Variants in LINGO4 observed in about 807,000 individuals in gnomAD.
The protein encoded by LINGO4 is leucine rich repeat and Ig domain containing 4, also known as leucine-rich repeat and immunoglobulin-like domain-containing nogo receptor-interacting protein 4.
A neutral mutation model predicts 27.9 loss-of-function variants in LINGO4; 22 were observed. That is an observed-to-expected ratio of 0.79 (90% CI 0.56 to 1.13). LINGO4 has a LOEUF of 1.13. Ranked by LOEUF, LINGO4 falls within the 50% of genes most tolerant of loss-of-function variation. LINGO4 has a pLI of 0.00. For missense variants in LINGO4, 706 were observed against 739.4 expected, an observed-to-expected ratio of 0.95 and a Z score of 0.52; for synonymous variants, 306 against 325.8, an observed-to-expected ratio of 0.94 and a Z score of 0.65.
chr1:151,802,033 C>T lies in LINGO4; in HGVS notation c.672G>A (p.Leu224=). 6.2e-7 allele frequency: 1 copy of T among 1,614,170 alleles called. No individual in the cohort carries two copies. The highest frequency in any genetic ancestry group is 8.5e-7 in the Non-Finnish European group (1 of 1,180,026). Residue 224 remains leucine (L), a synonymous_variant, in exon 2 of 2, where the codon CTG becomes CTA. Coordinates refer to ENST00000368820, the MANE Select transcript of LINGO4 (RefSeq NM_001004432.4). ...LDIGRLPAGA[L]RGLGQLKELE... ...GCTCCTTGAGCTGCCCCAGCCCCCG[C>T]AGGGCCCCAGCTGGCAGCCTCCCAA...
At chr1:151,804,779 C>A (rs1455349562) in intron 1 of LINGO4, among the ~76,000 whole-genome samples, 2 of 152,206 alleles carry the variant, frequency 1.3e-5, no homozygotes, top group East Asian at 3.9e-4. Context: ...GGGACATCAC[C>A]AAGACATGAC....
chr1:151,802,058 A>G lies in LINGO4; in HGVS notation c.647T>C (p.Ile216Thr). 6.2e-7 allele frequency: 1 copy of G among 1,614,092 alleles called. No homozygotes were observed. The highest frequency in any genetic ancestry group is 1.7e-5 in the Admixed American group (1 of 60,022). ...CAGGGCCCCAGCTGGCAGCCTCCCA[A>G]TATCCAGTTCTCTAAGCCTTAGGGC... ...LVALRLRELD[I>T]GRLPAGALRG... The change falls in exon 2 of 2, where the codon ATT (isoleucine) becomes ACT (threonine). Residue 216 changes from isoleucine to threonine, a missense_variant. Physicochemically the swap from Ile to Thr is moderately conservative, Grantham distance 89. Transcript: ENST00000368820.
Position 151,801,181 on chromosome 1 carries a change from G to T in LINGO4, c.1524C>A (p.Asn508Lys). ...WLEVIQVEPP[N>K]GTLSDPNITV... ...TGATGTTGGGGTCAGAAAGTGTGCC[G>T]TTTGGTGGTTCCACCTGGATGACTT... Residue 508 changes from asparagine (N) to lysine (K), a missense_variant, in exon 2 of 2, where the codon AAC becomes AAA. Asn to Lys is a moderately conservative substitution (Grantham distance 94). Coordinates refer to ENST00000368820, the MANE Select transcript of LINGO4 (RefSeq NM_001004432.4). This position sits in a 1 kb window ranked among gnomAD's most constrained non-coding sequence, Gnocchi z 5.7. 1.2e-6 allele frequency: 2 copies of T among 1,614,210 alleles called. No individual in the cohort carries two copies. The highest frequency in any genetic ancestry group is 1.7e-6 in the Non-Finnish European group (2 of 1,180,036).
rs1343855476 is a variant in LINGO4, at chr1:151,805,377, T to C, written c.-161A>G. On this transcript the variant is annotated 5_prime_UTR_variant, in exon 1 of 2. Transcript: ENST00000368820. ...TGGCTGCCCGGCTGCTGCCTGCCGC[T>C]GCTGCTGCTGCTGTTGCTGCTGCGG... is the stretch of plus-strand genomic sequence containing the variant. 4.3e-5 allele frequency: 8 copies of C among 186,126 alleles called. No homozygotes were observed. The highest frequency in any genetic ancestry group is 1.7e-4 in the East Asian group (1 of 5,762). 11.5% of individuals were successfully genotyped at this position (186,126 alleles called of 1,614,324 possible).
chr1:151,801,575 T>C lies in LINGO4; in HGVS notation c.1130A>G (p.Asp377Gly). 1 of 1,613,622 alleles carries C rather than the reference T, an allele frequency of 6.2e-7. No individual in the cohort carries two copies. Among genetic ancestry groups the C allele is most frequent in the Non-Finnish European group, 8.5e-7 (1 of 1,179,994 alleles). Residue 377 changes from aspartate to glycine, a missense_variant, in exon 2 of 2, where the codon GAC (aspartate) becomes GGC (glycine). Asp to Gly is a moderately conservative substitution (Grantham distance 94, BLOSUM62 -1). Transcript: ENST00000368820. The surrounding 1 kb of genome is among the most constrained non-coding windows in gnomAD (Gnocchi z 5.7). ...LWLLRLRRHLDFGMSPPACAG... is the reference protein window; with the variant it reads ...LWLLRLRRHLGFGMSPPACAG... Reference sequence around the variant, plus strand: ...ACAGGCAGGGGGGGACATGCCAAAGTCCAGGTGGCGGCGGAGCCGGAGCAG... The same window carrying C: ...ACAGGCAGGGGGGGACATGCCAAAGCCCAGGTGGCGGCGGAGCCGGAGCAG...
chr1:151,802,755 G>A, intron 1 of LINGO4, 38 bp from the exon 2 acceptor site: 1 of 1,395,316 alleles, frequency 7.2e-7, no homozygotes, highest in Non-Finnish European at 9.4e-7. Flanking sequence ...TTGGAAAGTG[G>A]CTTCAGATGA....
intron 1 of LINGO4, among the ~76,000 whole-genome samples, chr1:151,804,057 C>A (rs1651221538): frequency 6.6e-6 from 1 of 152,184 alleles, no homozygotes; most frequent in Admixed American, 6.5e-5. Context: ...GAGCGGCAAT[C>A]CTGATCACCT....
chr1:151,804,397 T>C (rs1424992706), intron 1 of LINGO4, among the ~76,000 whole-genome samples: 1 of 152,236 alleles, frequency 6.6e-6, no homozygotes, highest in Non-Finnish European at 1.5e-5. Context: ...CTAACAGGTC[T>C]CTGTGGCATG....
chr1:151,801,460 G>A lies in LINGO4; in HGVS notation c.1245C>T (p.Ile415=), dbSNP rs1651143436. The A allele has an allele frequency of 6.2e-7, 1 of 1,614,198 alleles. No homozygotes were observed. The highest frequency in any genetic ancestry group is 1.3e-5 in the African/African-American group (1 of 75,080). Residue 415 remains isoleucine, a synonymous_variant, in exon 2 of 2, where the codon ATC becomes ATT. Transcript: ENST00000368820. This position sits in a 1 kb window ranked among gnomAD's most constrained non-coding sequence, Gnocchi z 5.7. Reference sequence around the variant, plus strand: ...TGACCCATCGAGGCCCCGACTTTCGGATCAGGGCTGGTTTGCAGGTGAAGT... The same window carrying A: ...TGACCCATCGAGGCCCCGACTTTCGAATCAGGGCTGGTTTGCAGGTGAAGT... ...PGHFTCKPAL[I]RKSGPRWVIA... is the part of the protein sequence containing the mutation.
Position 151,802,364 on chromosome 1 carries a change from C to G in LINGO4, c.341G>C (p.Arg114Thr). The part of the protein sequence containing the change: ...FHGLQSLLTL[R>T]LQGNRLRIMG... ...GATTCTGAGCCGATTGCCCTGCAGCCTCAGGGTGAGTAGGCTTTGTAGGCC... is the reference window on the plus strand; with the variant it reads ...GATTCTGAGCCGATTGCCCTGCAGCGTCAGGGTGAGTAGGCTTTGTAGGCC... The change falls in exon 2 of 2, where the codon AGG (arginine) becomes ACG (threonine). Residue 114 changes from arginine to threonine, a missense_variant. By Grantham distance (71) the Arg-to-Thr change is moderately conservative. Transcript: ENST00000368820. 1 of 1,614,192 alleles carries G rather than the reference C, an allele frequency of 6.2e-7. No homozygotes were observed. Among genetic ancestry groups the G allele is most frequent in the Non-Finnish European group, 8.5e-7 (1 of 1,180,040 alleles).
intron 1 of LINGO4, 21 bp from the exon 2 acceptor site, chr1:151,802,738 G>A (rs543607682): frequency 1.4e-6 from 2 of 1,438,062 alleles, no homozygotes; most frequent in Non-Finnish European, 1.8e-6. Flanking sequence ...TGATGACATG[G>A]CCCTTTTTGG....
In LINGO4 at chr1:151,802,372, G is replaced by A; in HGVS notation, c.333C>T (p.Leu111=). Residue 111 remains leucine (L), a synonymous_variant, in exon 2 of 2, where the codon CTC becomes CTT. Transcript: ENST00000368820. ...GCCGATTGCCCTGCAGCCTCAGGGTGAGTAGGCTTTGTAGGCCATGGAAGG... is the reference window on the plus strand; with the variant it reads ...GCCGATTGCCCTGCAGCCTCAGGGTAAGTAGGCTTTGTAGGCCATGGAAGG... ...PGAFHGLQSL[L]TLRLQGNRLR... The A allele has an allele frequency of 3.1e-6, 5 of 1,614,226 alleles. No homozygotes were observed. The highest frequency in any genetic ancestry group is 4.2e-6 in the Non-Finnish European group (5 of 1,180,042).
Position 151,801,057 on chromosome 1 carries a change from A to G in LINGO4, c.1648T>C (p.Cys550Arg), listed in dbSNP as rs763390767. 6.2e-7 allele frequency: 1 copy of G among 1,614,198 alleles called. No homozygotes were observed. The highest frequency in any genetic ancestry group is 1.1e-5 in the South Asian group (1 of 91,080). The change falls in exon 2 of 2, where the codon TGC (cysteine) becomes CGC (arginine). Residue 550 changes from cysteine (C) to arginine (R), a missense_variant. Coordinates refer to ENST00000368820, the MANE Select transcript of LINGO4 (RefSeq NM_001004432.4). The surrounding 1 kb of genome is among the most constrained non-coding windows in gnomAD (Gnocchi z 5.7). ...FLPFLTSVTL[C>R]FGLIALWSKG... ...CTCCAAAGGGCAATCAGGCCAAAGC[A>G]GAGGGTCACTGAGGTGAGGAAGGGG...
In LINGO4 at chr1:151,802,262, A is replaced by G. The variant is rs1651173480; in HGVS notation, c.443T>C (p.Leu148Pro). ...DLRLNQIVLFLDGAFGELGSL... is the reference protein window; with the variant it reads ...DLRLNQIVLFPDGAFGELGSL... ...GCCTAGCTCCCCAAAAGCTCCATCT[A>G]GGAAGAGAACAATCTGGTTGAGGCG... is the stretch of plus-strand genomic sequence containing the variant. Residue 148 changes from leucine to proline, a missense_variant, in exon 2 of 2, where the codon CTA becomes CCA. Physicochemically the swap from Leu to Pro is moderately conservative, Grantham distance 98. Coordinates refer to ENST00000368820, the MANE Select transcript of LINGO4 (RefSeq NM_001004432.4). 4 of 1,614,188 alleles carry G rather than the reference A, an allele frequency of 2.5e-6. No individual in the cohort carries two copies. The highest frequency in any genetic ancestry group is 3.4e-6 in the Non-Finnish European group (4 of 1,180,022).
Position 151,802,293 on chromosome 1 carries a change from C to G in LINGO4, c.412G>C (p.Asp138His). ...AGAACAATCTGGTTGAGGCGGAGGT[C>G]CAGCAGGGTCAGAGCAGAGAGGCCT... ...FSGLSALTLLDLRLNQIVLFL... is the reference protein window; with the variant it reads ...FSGLSALTLLHLRLNQIVLFL... Residue 138 changes from aspartate (D) to histidine (H), a missense_variant, in exon 2 of 2, where the codon GAC becomes CAC. Transcript: ENST00000368820. 1.9e-6 allele frequency: 3 copies of G among 1,614,206 alleles called. No individual in the cohort carries two copies. The highest frequency in any genetic ancestry group is 2.5e-6 in the Non-Finnish European group (3 of 1,180,036).
In LINGO4 at chr1:151,801,077, A is replaced by C. The variant is rs767791413; in HGVS notation, c.1628T>G (p.Phe543Cys). The change falls in exon 2 of 2, where the codon TTC becomes TGC. Residue 543 changes from phenylalanine to cysteine, a missense_variant. Physicochemically the swap from Phe to Cys is radical, Grantham distance 205. Transcript: ENST00000368820. The surrounding 1 kb of genome is among the most constrained non-coding windows in gnomAD (Gnocchi z 5.7). Reference protein sequence around the residue: ...AMVLAVGFLPFLTSVTLCFGL... With the variant: ...AMVLAVGFLPCLTSVTLCFGL... ...AAAGCAGAGGGTCACTGAGGTGAGG[A>C]AGGGGAGGAAGCCGACTGCCAGCAC... 3 of 1,614,096 alleles carry C rather than the reference A, an allele frequency of 1.9e-6. No homozygotes were observed. Among genetic ancestry groups the C allele is most frequent in the Non-Finnish European group, 2.5e-6 (3 of 1,180,014 alleles).
Position 151,801,753 on chromosome 1 carries a change from G to T in LINGO4, c.952C>A (p.His318Asn), listed in dbSNP as rs754758140. Residue 318 changes from histidine (H) to asparagine (N), a missense_variant, in exon 2 of 2, where the codon CAT (histidine) becomes AAT (asparagine). Transcript: ENST00000368820. This position sits in a 1 kb window ranked among gnomAD's most constrained non-coding sequence, Gnocchi z 5.7. ...SGACLTSIAA[H>N]AFHGLTAFHL... ...AAGGCAGTCAAGCCATGGAAGGCAT[G>T]GGCAGCAATGGAGGTGAGGCATGCC... 6.2e-7 allele frequency: 1 copy of T among 1,614,202 alleles called. No individual in the cohort carries two copies. Among genetic ancestry groups the T allele is most frequent in the Non-Finnish European group, 8.5e-7 (1 of 1,180,040 alleles).
rs752885114 is a variant in LINGO4, at chr1:151,802,591, G to A, written c.114C>T (p.Thr38=). 1.2e-6 allele frequency: 2 copies of A among 1,601,008 alleles called. No homozygotes were observed. Among genetic ancestry groups the A allele is most frequent in the Non-Finnish European group, 1.7e-6 (2 of 1,173,592 alleles). The change falls in exon 2 of 2, where the codon ACC becomes ACT. Residue 38 remains threonine, a synonymous_variant. Transcript: ENST00000368820. ...CACAGAGCACAGCCTGGGGCTGGGA[G>A]GTGCAGTCACACACAGCAGGGCAGC... The part of the protein sequence containing the change: ...GGSCPAVCDC[T]SQPQAVLCGH...
rs370592055 is a variant in LINGO4 at position 151,801,564 on chromosome 1, A to T, written c.1141T>A (p.Ser381Thr). Residue 381 changes from serine (S) to threonine (T), a missense_variant, in exon 2 of 2, where the codon TCC (serine) becomes ACC (threonine). Ser to Thr is a moderately conservative substitution (Grantham distance 58). Transcript: ENST00000368820. This position sits in a 1 kb window ranked among gnomAD's most constrained non-coding sequence, Gnocchi z 5.7. Reference sequence around the variant, plus strand: ...TGGGGGCCAGCACAGGCAGGGGGGGACATGCCAAAGTCCAGGTGGCGGCGG... The same window carrying T: ...TGGGGGCCAGCACAGGCAGGGGGGGTCATGCCAAAGTCCAGGTGGCGGCGG... ...RLRRHLDFGM[S>T]PPACAGPHHV... 23 of 1,613,498 alleles carry T rather than the reference A, an allele frequency of 1.4e-5. No homozygotes were observed. Among genetic ancestry groups the T allele is most frequent in the Middle Eastern group, 1.6e-4 (1 of 6,082 alleles).
Sources: allele counts gnomAD v4.1 joint callset (sites outside exome capture counted in the v4.1 genomes callset), GRCh38; gene constraint gnomAD v4.1.1; non-coding constraint Gnocchi (gnomAD v3.1); transcripts MANE v1.5; gene names NCBI Gene and HGNC (gene_info 2026-07-23, HGNC 2026-07-21).